Variants in RIMS1 observed in about 807,000 individuals in gnomAD.
The protein encoded by RIMS1 is regulating synaptic membrane exocytosis protein 1.
In RIMS1, 83 loss-of-function variants were observed where a neutral mutation model predicts 214.1. The ratio of observed to expected loss-of-function variants is 0.39; its 90% CI spans 0.32 to 0.47. RIMS1 has a LOEUF of 0.47. Ranked by LOEUF, RIMS1 falls within the 20% of genes least tolerant of loss-of-function variation. The pLI is 0.99. For synonymous variants in RIMS1, 793 were observed against 786.8 expected (o/e 1.01, Z -0.13); for missense variants, 2,050 against 2,161.8 (o/e 0.95, Z 1.03).
At chr6:72,090,555 C>T (rs936285265) in intron 2 of RIMS1, among the ~76,000 whole-genome samples, 14 of 151,588 alleles carry the variant, frequency 9.2e-5, no homozygotes, top group Admixed American at 8.5e-4. Flanking sequence ...ACTTTTATAG[C>T]TCCTCTATTA....
chr6:72,148,972 C>G (rs1176547732), intron 4 of RIMS1, among the ~76,000 whole-genome samples: 2 of 151,770 alleles, frequency 1.3e-5, no homozygotes, highest in Admixed American at 1.3e-4. Flanking sequence ...GGAACCTGCC[C>G]TAGTAAGATG....
At chr6:72,254,188 G>A (rs182990195) in intron 16 of RIMS1, among the ~76,000 whole-genome samples, 1 of 152,216 alleles carries the variant, frequency 6.6e-6, no homozygotes, top group African/African-American at 2.4e-5. Context: ...TAATCACTGT[G>A]TGAAAGTAGA....
chr6:71,940,333 AGGGTTCACACAT>A (rs1785675486), intron 1 of RIMS1, among the ~76,000 whole-genome samples: 1 of 152,196 alleles, frequency 6.6e-6, no homozygotes, highest in South Asian at 2.1e-4. Context: ...TGCTAAACAC[AGGGTTCACACAT>A]GGAGTCCAGC....
At chr6:72,080,074 TAAAAA>T (rs770845471) in intron 2 of RIMS1, among the ~76,000 whole-genome samples, 75 of 22,400 alleles carry the variant, frequency 3.3e-3, no homozygotes, top group Non-Finnish European at 5.7e-3. Context: ...GTGTCTCTAC[TAAAAA>T]AAAAAAAAAA....
chr6:71,942,935 C>T (rs576913265), intron 1 of RIMS1, among the ~76,000 whole-genome samples: 2 of 151,726 alleles, frequency 1.3e-5, no homozygotes, highest in African/African-American at 2.4e-5. Flanking sequence ...AAGTATTTAA[C>T]GACTTGTGCT....
chr6:72,040,595 T>C (rs1456763696), intron 2 of RIMS1, among the ~76,000 whole-genome samples: 1 of 151,914 alleles, frequency 6.6e-6, no homozygotes, highest in African/African-American at 2.4e-5. Flanking sequence ...TCATATATTT[T>C]GATTACTATT....
At chr6:71,935,325 A>T (rs1206390267) in intron 1 of RIMS1, among the ~76,000 whole-genome samples, 1 of 152,226 alleles carries the variant, frequency 6.6e-6, no homozygotes, top group Admixed American at 6.5e-5. Context: ...TGTAAGCAAG[A>T]CAAGATAATT....
intron 4 of RIMS1, among the ~76,000 whole-genome samples, chr6:72,166,616 C>G (rs2046300687): frequency 6.6e-6 from 1 of 151,716 alleles, no homozygotes; most frequent in Admixed American, 6.6e-5. Context: ...TGGCTCACAC[C>G]TGTAATCCCA....
chr6:72,210,417 AGTG>A (rs1490361248), intron 6 of RIMS1, among the ~76,000 whole-genome samples: 9 of 152,210 alleles, frequency 5.9e-5, no homozygotes, highest in Non-Finnish European at 1.0e-4. Flanking sequence ...TAGAATATGC[AGTG>A]TGTCCTGAAT....
chr6:72,256,138 C>T (rs2154147954), intron 16 of RIMS1, among the ~76,000 whole-genome samples: 1 of 151,038 alleles, frequency 6.6e-6, no homozygotes, highest in South Asian at 2.1e-4. Flanking sequence ...TTGTAAAAAG[C>T]AACTATAAAT....
In RIMS1 at chr6:72,329,396, T is replaced by A. The variant is rs79651900; in HGVS notation, c.4131-4204T>A. 5.1e-3 allele frequency among the ~76,000 whole-genome samples: 780 copies of A among 151,940 alleles called. 5 individuals are homozygous for A. Among genetic ancestry groups the A allele is most frequent in the African/African-American group, 0.017 (718 of 41,522 alleles). The stretch of plus-strand genomic sequence containing the variant: ...CCTTGTAATTTTGTACATGTACATA[T>A]AGTTATTGGGGAAAATGGAATACTA... On this transcript the variant is annotated intron_variant, in intron 28 of 33. Transcript: ENST00000521978.
At position 72,079,300 on chromosome 6, in the gene RIMS1, T is replaced by C. The variant is rs115385724; in HGVS notation, c.246-17649T>C. ...AATAATTAAAATTTCTGGGAACTTT[T>C]AAGCTGTTTGATGTATCAAGCAGGG... On this transcript the variant is annotated intron_variant, in intron 2 of 33. Coordinates refer to ENST00000521978, the MANE Select transcript of RIMS1 (RefSeq NM_014989.7). Among the ~76,000 whole-genome samples the C allele has an allele frequency of 2.9e-3, 444 of 152,310 alleles. 4 individuals are homozygous for C. Among genetic ancestry groups the C allele is most frequent in the African/African-American group, 0.01 (430 of 41,566 alleles).
At chr6:72,368,650 C>A (rs927059465) in intron 29 of RIMS1, among the ~76,000 whole-genome samples, 1 of 151,890 alleles carries the variant, frequency 6.6e-6, no homozygotes, top group African/African-American at 2.4e-5. Flanking sequence ...GCGGTAAGCA[C>A]GAGTCTTCAC....
chr6:72,010,522 A>G (rs1810043355), intron 2 of RIMS1, among the ~76,000 whole-genome samples: 1 of 152,306 alleles, frequency 6.6e-6, no homozygotes, highest in African/African-American at 2.4e-5. Flanking sequence ...TTCAATTAGG[A>G]AAAGAGGAAG....
chr6:72,217,138 T>G, intron 6 of RIMS1: 1 of 1,531,476 alleles, frequency 6.5e-7, no homozygotes, highest in Non-Finnish European at 8.7e-7. Context: ...TAGCTGAAAT[T>G]TAATGATTTG....
chr6:72,123,183 G>C (rs184811188), intron 4 of RIMS1, among the ~76,000 whole-genome samples: 2 of 151,688 alleles, frequency 1.3e-5, no homozygotes, highest in Admixed American at 1.3e-4. Flanking sequence ...CTTTGTTCTC[G>C]TTGGTTTCAA....
At chr6:71,985,958 T>C (rs1361313387) in intron 2 of RIMS1, among the ~76,000 whole-genome samples, 2 of 152,228 alleles carry the variant, frequency 1.3e-5, no homozygotes, top group African/African-American at 4.8e-5. Context: ...TTCTATACTT[T>C]GAATATCTTT....
At chr6:72,115,170 T>A (rs2036836422) in intron 4 of RIMS1, among the ~76,000 whole-genome samples, 1 of 151,988 alleles carries the variant, frequency 6.6e-6, no homozygotes, top group Non-Finnish European at 1.5e-5. Context: ...TTGCTTAAAT[T>A]CATACCTTTG....
At chr6:71,974,100 A>G (rs1333823096) in intron 2 of RIMS1, among the ~76,000 whole-genome samples, 3 of 152,196 alleles carry the variant, frequency 2.0e-5, no homozygotes, top group African/African-American at 7.2e-5. Context: ...TGTATGAGGT[A>G]GATCTGGATT....
Sources: gnomAD v4.1 joint callset for allele counts (sites outside exome capture counted in the v4.1 genomes callset) on GRCh38, gnomAD v4.1.1 for gene constraint, MANE v1.5 for transcripts, NCBI Gene and HGNC (gene_info 2026-07-23, HGNC 2026-07-21) for gene names.